Variants in COL4A2 observed in about 807,000 individuals in gnomAD.
The protein encoded by COL4A2 is collagen alpha-2(IV) chain.
A neutral mutation model predicts 200.2 loss-of-function variants in COL4A2; 99 were observed. The ratio of observed to expected loss-of-function variants is 0.49; its 90% CI spans 0.42 to 0.58. The LOEUF (loss-of-function observed/expected upper bound fraction) is 0.58, where lower values mean the gene tolerates loss of function less well. Among genes scored for constraint, COL4A2 ranks in the 20% least tolerant of loss-of-function variants. The probability of loss-of-function intolerance (pLI) is 0.00; values close to 1 mark genes in which losing one functional copy is unlikely to be tolerated. For synonymous variants in COL4A2, 897 were observed against 900.6 expected (o/e 1.00, Z 0.07); for missense variants, 1,950 against 2,314.1 (o/e 0.84, Z 3.23).
At chr13:110,399,987 C>G (rs1879314979) in intron 4 of COL4A2, among the ~76,000 whole-genome samples, 1 of 152,126 alleles carries the variant, frequency 6.6e-6, no homozygotes, top group Admixed American at 6.5e-5. Context: ...TGAATTTGTT[C>G]CATATTCACG....
At chr13:110,311,284 A>C (rs57487472) in intron 3 of COL4A2, among the ~76,000 whole-genome samples, 24,441 of 152,194 alleles carry the variant, frequency 0.16, 3,002 homozygotes, top group East Asian at 0.58. Flanking sequence ...CTGTGTGGGC[A>C]CCTCAGGACA....
At chr13:110,386,110 G>T (rs1878738381) in intron 4 of COL4A2, among the ~76,000 whole-genome samples, 1 of 152,204 alleles carries the variant, frequency 6.6e-6, no homozygotes, top group South Asian at 2.1e-4. Flanking sequence ...ACAGCATGTG[G>T]ATAGGCCATG....
intron 4 of COL4A2, among the ~76,000 whole-genome samples, chr13:110,366,338 A>G (rs1453480687): frequency 2.0e-5 from 3 of 152,240 alleles, no homozygotes; most frequent in South Asian, 2.1e-4. Flanking sequence ...CTACCTTCAT[A>G]TAGAAACAGC....
At chr13:110,438,701 G>A (rs761577899) in intron 15 of COL4A2, 33 bp downstream of exon 15, 1 of 1,614,004 alleles carries the variant, frequency 6.2e-7, no homozygotes. Flanking sequence ...GCAGTTGTCG[G>A]TTTGGTTTGG....
In COL4A2 at chr13:110,446,801, G is replaced by A. The variant is rs751975195; in HGVS notation, c.1015G>A (p.Glu339Lys). Reference protein sequence around the residue: ...GPDGPRGPKGEAGDPGPPGLP... With the variant: ...GPDGPRGPKGKAGDPGPPGLP... ...TTTTTCTCTTTTCTTTCTCTAGGGA[G>A]AAGCCGGAGACCCAGGGCCCCCTGG... The change falls in exon 18 of 48, where the codon GAA becomes AAA. Residue 339 changes from glutamate (E) to lysine (K), a missense_variant. Around this residue, in one of 2 missense-constraint regions of COL4A2, gnomAD observed 565 missense variants for 593.5 expected, o/e 0.95. Transcript: ENST00000360467. The A allele has an allele frequency of 1.9e-6, 3 of 1,611,746 alleles. No individual in the cohort carries two copies. The highest frequency in any genetic ancestry group is 2.5e-6 in the Non-Finnish European group (3 of 1,178,272).
chr13:110,492,341 AGGGTATACTGGCGCCCCAGG>A (rs1280580326), intron 38 of COL4A2, among the ~76,000 whole-genome samples, 164 bp downstream of exon 38: 6 of 152,196 alleles, frequency 3.9e-5, no homozygotes, highest in African/African-American at 1.4e-4. Context: ...ATAGCAGCAC[AGGGTATACTGGCGCCCCAGG>A]CAACTGGGAA....
intron 14 of COL4A2, 118 bp downstream of exon 14, chr13:110,438,155 C>A: frequency 1.3e-6 from 1 of 762,846 alleles, no homozygotes; most frequent in Non-Finnish European, 2.3e-6. Flanking sequence ...CTCTCATCCC[C>A]TTGTCCATAG....
At chr13:110,457,561 C>T in intron 21 of COL4A2, 126 bp downstream of exon 21, 1 of 716,228 alleles carries the variant, frequency 1.4e-6, no homozygotes, top group Non-Finnish European at 2.6e-6. Flanking sequence ...ATGTCTCTCC[C>T]AGCCTCCTGT....
At chr13:110,489,078 A>G (rs1883199672) in intron 34 of COL4A2, among the ~76,000 whole-genome samples, 1 of 152,062 alleles carries the variant, frequency 6.6e-6, no homozygotes, top group African/African-American at 2.4e-5. Flanking sequence ...AAAAATTTAA[A>G]AACTATTAGC....
chr13:110,466,664 C>G (rs1301355512), intron 26 of COL4A2, among the ~76,000 whole-genome samples: 1 of 152,226 alleles, frequency 6.6e-6, no homozygotes, highest in Non-Finnish European at 1.5e-5. Context: ...CGCAGGCTAT[C>G]TCCATTGCTG....
intron 4 of COL4A2, among the ~76,000 whole-genome samples, chr13:110,410,339 A>G (rs1173699515): frequency 6.6e-6 from 1 of 152,198 alleles, no homozygotes; most frequent in Non-Finnish European, 1.5e-5. Context: ...TCACGGTCAA[A>G]TGTATGTTTA....
Position 110,357,616 on chromosome 13 carries a change from C to T in COL4A2, c.180+64C>T, listed in dbSNP as rs138649495. 4.9e-5 allele frequency: 76 copies of T among 1,545,468 alleles called. 1 individual carries two copies. The highest frequency in any genetic ancestry group is 3.6e-4 in the African/African-American group (26 of 73,002). On this transcript the variant is annotated intron_variant, in intron 4 of 47. Coordinates refer to ENST00000360467, the MANE Select transcript of COL4A2 (RefSeq NM_001846.4). ...CATACAGTCATGCCTCGCTTAACAA[C>T]GGGGTACCTTCTGGGACACGTGTGG...
At chr13:110,410,357 T>G (rs1879784394) in intron 4 of COL4A2, among the ~76,000 whole-genome samples, 1 of 152,216 alleles carries the variant, frequency 6.6e-6, no homozygotes, top group South Asian at 2.1e-4. Context: ...TTAGATACCT[T>G]AAGTTGCTGC....
intron 3 of COL4A2, among the ~76,000 whole-genome samples, chr13:110,345,376 G>A (rs1184156854): frequency 1.3e-5 from 2 of 152,210 alleles, no homozygotes; most frequent in Non-Finnish European, 2.9e-5. Context: ...GGAGGGAACA[G>A]TGGATGCAGG....
intron 3 of COL4A2, among the ~76,000 whole-genome samples, chr13:110,319,102 A>T (rs1885216861): frequency 6.6e-6 from 1 of 151,716 alleles, no homozygotes; most frequent in African/African-American, 2.4e-5. Flanking sequence ...GGTCAGCAGG[A>T]CTGGTGGGTG....
At chr13:110,480,474 C>T in intron 31 of COL4A2, 84 bp downstream of exon 31, 1 of 1,384,782 alleles carries the variant, frequency 7.2e-7, no homozygotes, top group Non-Finnish European at 9.6e-7. Context: ...CTGCTGGGCG[C>T]CTCTGTGGGC....
In COL4A2 at chr13:110,438,659, T is replaced by A; in HGVS notation, c.903T>A (p.Pro301=). 2 of 1,614,240 alleles carry A rather than the reference T, an allele frequency of 1.2e-6. No homozygotes were observed. The highest frequency in any genetic ancestry group is 2.7e-5 in the African/African-American group (2 of 75,066). The change falls in exon 15 of 48, where the codon CCT becomes CCA. Residue 301 remains proline, a synonymous_variant. Coordinates refer to ENST00000360467, the MANE Select transcript of COL4A2 (RefSeq NM_001846.4). ...GAGAAGAAGGAATCATGGGCTTTCC[T>A]GGACTGAGGGTAAACCACGCCTTTT... The part of the protein sequence containing the change: ...LKGEEGIMGF[P]GLRGYPGLSG...
intron 4 of COL4A2, among the ~76,000 whole-genome samples, chr13:110,407,573 C>T (rs867507308): frequency 6.6e-6 from 1 of 152,172 alleles, no homozygotes; most frequent in African/African-American, 2.4e-5. Flanking sequence ...TCGGAGAACA[C>T]GTTGGATTTC....
chr13:110,416,918 C>T (rs753188347), intron 4 of COL4A2, among the ~76,000 whole-genome samples: 4 of 152,204 alleles, frequency 2.6e-5, no homozygotes, highest in Non-Finnish European at 5.9e-5. Context: ...CACCATCAGA[C>T]AGACCAGATT....
Sources: gnomAD v4.1 joint callset for allele counts (sites outside exome capture counted in the v4.1 genomes callset) on GRCh38, gnomAD v4.1.1 for gene constraint, gnomAD v4.1.1 regional missense constraint, MANE v1.5 for transcripts, NCBI Gene and HGNC (gene_info 2026-07-23, HGNC 2026-07-21) for gene names.